Variants in SLC25A24 observed in about 807,000 individuals in gnomAD.
The protein encoded by SLC25A24 is solute carrier family 25 member 24, also known as mitochondrial adenyl nucleotide antiporter SLC25A24.
In SLC25A24, 49 loss-of-function variants were observed where a neutral mutation model predicts 60.7. The ratio of observed to expected loss-of-function variants is 0.81; its 90% confidence interval spans 0.64 to 1.02. The LOEUF (loss-of-function observed/expected upper bound fraction) is 1.02, where lower values mean the gene tolerates loss of function less well. Ranked by LOEUF, SLC25A24 falls within the 50% of genes least tolerant of loss-of-function variation. The pLI is 0.00. For synonymous variants in SLC25A24, 202 were observed against 200.6 expected (o/e 1.01, Z -0.06); for missense variants, 564 against 586.3 (o/e 0.96, Z 0.39).
intron 1 of SLC25A24, among the ~76,000 whole-genome samples, chr1:108,186,698 C>A (rs1648136179): frequency 6.6e-6 from 1 of 152,130 alleles, no homozygotes; most frequent in Non-Finnish European, 1.5e-5. Context: ...CAAAATATAA[C>A]CTATCTACCT....
chr1:108,160,824 C>A (rs1680052471), intron 4 of SLC25A24, among the ~76,000 whole-genome samples: 1 of 152,180 alleles, frequency 6.6e-6, no homozygotes, highest in South Asian at 2.1e-4. Flanking sequence ...GCGGTGCGCG[C>A]CTGCAATCGC....
chr1:108,162,317 G>C lies in SLC25A24; in HGVS notation c.399-1024C>G, dbSNP rs1222798039. Among the ~76,000 whole-genome samples the C allele has an allele frequency of 4.0e-5, 6 of 148,172 alleles. No individual in the cohort carries two copies. In the East Asian group the frequency reaches 6.0e-4, roughly 15 times the overall value. On this transcript the variant is annotated intron_variant, in intron 3 of 9. Transcript: ENST00000565488. ...CCTTTGGGTATATACCCAGTAATGGGATGGCTGGGTCAAATGATATTTCTA... is the reference window on the plus strand; with the variant it reads ...CCTTTGGGTATATACCCAGTAATGGCATGGCTGGGTCAAATGATATTTCTA...
At chr1:108,186,136 A>T (rs1189699953) in intron 1 of SLC25A24, among the ~76,000 whole-genome samples, 182 bp from the exon 2 acceptor site, 1 of 152,218 alleles carries the variant, frequency 6.6e-6, no homozygotes, top group Non-Finnish European at 1.5e-5. Context: ...TACTGCAAAA[A>T]GATTCTGAGT....
intron 7 of SLC25A24, among the ~76,000 whole-genome samples, chr1:108,146,514 C>T (rs1336063820): frequency 6.6e-6 from 1 of 152,172 alleles, no homozygotes; most frequent in Non-Finnish European, 1.5e-5. Context: ...GGGAATGCTT[C>T]CAGCTTTTGC....
At position 108,160,718 on chromosome 1, in the gene SLC25A24, C is replaced by T. The variant is rs559841222; in HGVS notation, c.510+464G>A. On this transcript the variant is annotated intron_variant, in intron 4 of 9. Transcript: ENST00000565488. ...ATCCCAGCACCTCGGGAGGCCGAGG[C>T]TGGTGGATCACTCGCGGTCAGGAGC... Among the ~76,000 whole-genome samples the T allele has an allele frequency of 3.5e-4, 53 of 152,358 alleles. No homozygotes were observed. In the Middle Eastern group the frequency reaches 0.01, roughly 29 times the overall value.
At chr1:108,140,230 G>C (rs374158898) in intron 8 of SLC25A24, among the ~76,000 whole-genome samples, 8 of 151,978 alleles carry the variant, frequency 5.3e-5, no homozygotes, top group East Asian at 1.9e-4. Flanking sequence ...TTGCAGGTTA[G>C]AAGGAAATGG....
intron 5 of SLC25A24, among the ~76,000 whole-genome samples, chr1:108,155,963 AC>A (rs1350624730): frequency 3.3e-5 from 5 of 151,840 alleles, no homozygotes; most frequent in Non-Finnish European, 7.4e-5. Context: ...ACACACACAC[AC>A]ACACACACAC....
chr1:108,148,054 T>C (rs1679654653), intron 7 of SLC25A24, among the ~76,000 whole-genome samples: 1 of 152,154 alleles, frequency 6.6e-6, no homozygotes, highest in African/African-American at 2.4e-5. Context: ...GAGCTTGGAA[T>C]CCGCCTCCAG....
Position 108,157,456 on chromosome 1 carries a change from G to T in SLC25A24, c.669+6C>A. The T allele has an allele frequency of 6.2e-7, 1 of 1,611,898 alleles. No homozygotes were observed. The highest frequency in any genetic ancestry group is 8.5e-7 in the Non-Finnish European group (1 of 1,178,474). On this transcript the variant is annotated splice_donor_region_variant and intron_variant, in intron 5 of 9. Transcript: ENST00000565488. Reference sequence around the variant, plus strand: ...GCAAACCTGGACACACGATAATAAAGCTCACCTGCATCATGATTTTCAGAC... The same window carrying T: ...GCAAACCTGGACACACGATAATAAATCTCACCTGCATCATGATTTTCAGAC...
In SLC25A24 at chr1:108,161,237, A is replaced by T. The variant is rs1455200096; in HGVS notation, c.455T>A (p.Leu152Ter). The change falls in exon 4 of 10, where the codon TTA (leucine) becomes TAA (stop). Residue 152 changes from leucine to a stop codon, truncating the protein, a stop_gained. Transcript: ENST00000565488. LOFTEE classifies it high-confidence loss of function. ...CTCAATGTCTGTAACAGGATTAAAT[A>T]AGAAGTAGTCTCTCCATTCATTCCA... ...VDWNEWRDYF[L>*]FNPVTDIEEI... is the part of the protein sequence containing the mutation. 3.7e-6 allele frequency: 6 copies of T among 1,605,414 alleles called. No homozygotes were observed. Among genetic ancestry groups the T allele is most frequent in the Non-Finnish European group, 5.1e-6 (6 of 1,172,692 alleles).
At chr1:108,169,436 T>C (rs1011983122) in intron 3 of SLC25A24, among the ~76,000 whole-genome samples, 7 of 152,360 alleles carry the variant, frequency 4.6e-5, no homozygotes, top group Non-Finnish European at 1.0e-4. Context: ...TAAAGCCTTC[T>C]AACAAATTTT....
chr1:108,153,008 T>G (rs987275430), intron 6 of SLC25A24, among the ~76,000 whole-genome samples: 1 of 152,128 alleles, frequency 6.6e-6, no homozygotes, highest in Non-Finnish European at 1.5e-5. Context: ...AAGATGACCA[T>G]GCATGGTGGC....
intron 8 of SLC25A24, among the ~76,000 whole-genome samples, chr1:108,141,541 T>A (rs80083457): frequency 0.011 from 1,616 of 152,294 alleles, 15 homozygotes; most frequent in Non-Finnish European, 0.015. Flanking sequence ...CTGAAAACAG[T>A]ATCTTGAAGA....
At chr1:108,180,386 T>C (rs999105974) in intron 3 of SLC25A24, among the ~76,000 whole-genome samples, 4 of 151,442 alleles carry the variant, frequency 2.6e-5, no homozygotes, top group African/African-American at 9.7e-5. Flanking sequence ...AAAGTTACCA[T>C]AAAATATTTA....
chr1:108,158,201 T>C (rs976252668), intron 4 of SLC25A24, among the ~76,000 whole-genome samples: 2 of 152,198 alleles, frequency 1.3e-5, no homozygotes, highest in Admixed American at 1.3e-4. Flanking sequence ...ATGCAATAGA[T>C]TCTATATAAA....
intron 6 of SLC25A24, among the ~76,000 whole-genome samples, chr1:108,152,002 C>T (rs1366956124): frequency 6.6e-6 from 1 of 152,186 alleles, no homozygotes; most frequent in Admixed American, 6.5e-5. Flanking sequence ...TGGTGTTCAT[C>T]ATTTCTTACC....
rs752209366 is a variant in SLC25A24, at chr1:108,143,543, C to G, written c.1098G>C (p.Glu366Asp). Residue 366 changes from glutamate (E) to aspartate (D), a missense_variant and splice_region_variant, in exon 8 of 10, where the codon GAG (glutamate) becomes GAC (aspartate). By Grantham distance (45) the Glu-to-Asp change is conservative. Coordinates refer to ENST00000565488, the MANE Select transcript of SLC25A24 (RefSeq NM_013386.5). ...ATTCAAAAGATTTCTACAAACTCAC[C>G]TCATACACAGCAAGATCTATGCCTG... ...PYAGIDLAVY[E>D]LLKSYWLDNF... 9.3e-6 allele frequency: 15 copies of G among 1,608,144 alleles called. No homozygotes were observed. The highest frequency in any genetic ancestry group is 1.3e-5 in the Non-Finnish European group (15 of 1,178,146).
Position 108,192,828 on chromosome 1 carries a change from G to C in SLC25A24, c.184-6874C>G, listed in dbSNP as rs1648389090. 5.9e-6 allele frequency: 7 copies of C among 1,188,680 alleles called. 2 individuals carry two copies. The highest frequency in any genetic ancestry group is 7.4e-6 in the Non-Finnish European group (7 of 939,934). 73.6% of individuals were successfully genotyped at this position (1,188,680 alleles called of 1,614,324 possible). Reference sequence around the variant, plus strand: ...TCATCCTAACGGCTTCAGCGCAAAGGCGCGAGCGCGCAGGACCCGGGACCT... The same window carrying C: ...TCATCCTAACGGCTTCAGCGCAAAGCCGCGAGCGCGCAGGACCCGGGACCT... On this transcript the variant is annotated intron_variant, in intron 1 of 9. Coordinates refer to ENST00000565488, the MANE Select transcript of SLC25A24 (RefSeq NM_013386.5).
chr1:108,138,546 C>CAG (rs55849370), intron 9 of SLC25A24, among the ~76,000 whole-genome samples: 149,998 of 152,314 alleles, frequency 0.98, 73,897 homozygotes, highest in East Asian at 1. Context: ...ACAATGGAGA[C>CAG]TGTCACAGTG....
Sources: allele counts gnomAD v4.1 joint callset (sites outside exome capture counted in the v4.1 genomes callset), GRCh38; gene constraint gnomAD v4.1.1; transcripts MANE v1.5; gene names NCBI Gene and HGNC (gene_info 2026-07-23, HGNC 2026-07-21).